ANO4: variants seen among roughly 807,000 people sequenced by gnomAD.
ANO4 encodes the protein anoctamin 4.
In ANO4, 69 loss-of-function variants were observed where a neutral mutation model predicts 141.9. The ratio of observed to expected loss-of-function variants is 0.49; its 90% CI spans 0.40 to 0.59. ANO4 has a LOEUF of 0.59. Among genes scored for constraint, ANO4 ranks in the 20% least tolerant of loss-of-function variants. The probability of loss-of-function intolerance (pLI) is 0.00; values close to 1 mark genes in which losing one functional copy is unlikely to be tolerated. For synonymous variants in ANO4, 350 were observed against 394.3 expected, an observed-to-expected ratio of 0.89 and a Z score of 1.33; for missense variants, 894 against 1,162.2, an observed-to-expected ratio of 0.77 and a Z score of 3.36.
chr12:100,891,697 T>G (rs754215947), intron 1 of ANO4, among the ~76,000 whole-genome samples: 7 of 152,248 alleles, frequency 4.6e-5, no homozygotes, highest in Admixed American at 1.3e-4. Flanking sequence ...GTGTATACAT[T>G]GTGGGATAGC....
At chr12:100,807,378 C>T (rs893504531) in intron 1 of ANO4, among the ~76,000 whole-genome samples, 1 of 152,150 alleles carries the variant, frequency 6.6e-6, no homozygotes, top group African/African-American at 2.4e-5. Context: ...GTGTTAATCA[C>T]TCTAGTTTTA....
Position 101,039,962 on chromosome 12 carries a change from A to G in ANO4, c.905A>G (p.Tyr302Cys). 6.2e-7 allele frequency: 1 copy of G among 1,611,590 alleles called. No homozygotes were observed. The highest frequency in any genetic ancestry group is 8.5e-7 in the Non-Finnish European group (1 of 1,178,298). The change falls in exon 11 of 28, where the codon TAT becomes TGT. Residue 302 changes from tyrosine (Y) to cysteine (C), a missense_variant. Around this residue, in one of 2 missense-constraint regions of ANO4, gnomAD observed 637 missense variants for 909.2 expected, o/e 0.70. Transcript: ENST00000392977. ...GTGGTGTTTTTATCCCAGGGAAGTTATAGAAGTAAAAACTCCATTCGAACC... is the reference window on the plus strand; with the variant it reads ...GTGGTGTTTTTATCCCAGGGAAGTTGTAGAAGTAAAAACTCCATTCGAACC... The part of the protein sequence containing the change: ...EAAFPLHEGS[Y>C]RSKNSIRTHG...
intron 1 of ANO4, among the ~76,000 whole-genome samples, chr12:100,864,739 G>T (rs1479578787): frequency 2.0e-5 from 3 of 152,138 alleles, no homozygotes; most frequent in Non-Finnish European, 4.4e-5. Context: ...AGAACGTGCA[G>T]GTTTGTTACA....
chr12:100,746,149 C>T (rs2032093197), intron 3 of ANO4, among the ~76,000 whole-genome samples: 1 of 152,090 alleles, frequency 6.6e-6, no homozygotes, highest in Non-Finnish European at 1.5e-5. Flanking sequence ...ACTAAACAAC[C>T]TAGTTTAGAA....
rs1036429805 is a variant in ANO4 at position 101,101,430 on chromosome 12, T to C, written c.2149+1710T>C. The stretch of plus-strand genomic sequence containing the variant: ...AGCCAAATTATGAAACAGGAGTTTG[T>C]CTTTGACACCCACCCTCATCTTTCC... On this transcript the variant is annotated intron_variant, in intron 22 of 27. Coordinates refer to ENST00000392977, the MANE Select transcript of ANO4 (RefSeq NM_001286615.2). Among the ~76,000 whole-genome samples the C allele has an allele frequency of 2.0e-5, 3 of 152,108 alleles. No individual in the cohort carries two copies. The East Asian group carries it at 5.8e-4, about 29-fold the overall frequency.
intron 1 of ANO4, among the ~76,000 whole-genome samples, chr12:100,869,661 A>G (rs2038937467): frequency 6.6e-6 from 1 of 152,142 alleles, no homozygotes; most frequent in African/African-American, 2.4e-5. Context: ...CTGGAAAATG[A>G]GGGGTTGCTG....
At chr12:100,729,444 T>A (rs1050992973) in intron 1 of ANO4, among the ~76,000 whole-genome samples, 2 of 149,374 alleles carry the variant, frequency 1.3e-5, no homozygotes, top group African/African-American at 2.4e-5. Context: ...ATAAATACTT[T>A]CTCATGTATT....
chr12:101,127,058 C>A lies in ANO4; in HGVS notation c.2856C>A (p.Asn952Lys). ...AGAAGAATGGAAAAGCACACCACAA[C>A]GAGTGGCCGTGACCATGTAGGTGAG... ...ERKKNGKAHH[N>K]EWP Residue 952 changes from asparagine (N) to lysine (K), a missense_variant, in exon 27 of 28, where the codon AAC becomes AAA. Physicochemically the swap from Asn to Lys is moderately conservative, Grantham distance 94. This residue lies in a region of ANO4 where 637 missense variants were observed against 909.2 expected (regional missense o/e 0.70). Transcript: ENST00000392977. 1 of 1,613,046 alleles carries A rather than the reference C, an allele frequency of 6.2e-7. No individual in the cohort carries two copies. The highest frequency in any genetic ancestry group is 8.5e-7 in the Non-Finnish European group (1 of 1,179,450).
chr12:101,082,110 C>T (rs1488248433), intron 15 of ANO4, among the ~76,000 whole-genome samples: 1 of 152,112 alleles, frequency 6.6e-6, no homozygotes, highest in African/African-American at 2.4e-5. Context: ...CTCCCATAAT[C>T]CCCATGTGTT....
At chr12:100,819,150 C>A (rs2135729752) in intron 1 of ANO4, among the ~76,000 whole-genome samples, 1 of 151,316 alleles carries the variant, frequency 6.6e-6, no homozygotes, top group South Asian at 2.1e-4. Context: ...TTAAATGATG[C>A]AATAGTAATT....
intron 1 of ANO4, among the ~76,000 whole-genome samples, chr12:100,901,413 T>C (rs2040585823): frequency 6.6e-6 from 1 of 152,186 alleles, no homozygotes; most frequent in African/African-American, 2.4e-5. Context: ...ATGTGCACAT[T>C]TTCCCAGCAT....
intron 2 of ANO4, among the ~76,000 whole-genome samples, chr12:100,737,959 G>T (rs1214683868): frequency 1.3e-5 from 2 of 151,882 alleles, no homozygotes; most frequent in Non-Finnish European, 2.9e-5. Flanking sequence ...AAAGCAGGGG[G>T]GTCAAAAAAT....
chr12:101,019,378 G>T (rs1208826578), intron 8 of ANO4, among the ~76,000 whole-genome samples: 1 of 152,064 alleles, frequency 6.6e-6, no homozygotes, highest in Non-Finnish European at 1.5e-5. Flanking sequence ...GTGTGTGTGT[G>T]TGCGCACACA....
intron 14 of ANO4, among the ~76,000 whole-genome samples, chr12:101,075,118 C>T (rs2048970799): frequency 6.6e-6 from 1 of 152,152 alleles, no homozygotes; most frequent in African/African-American, 2.4e-5. Context: ...AGTTACAGAA[C>T]ACACGGGGCT....
intron 13 of ANO4, among the ~76,000 whole-genome samples, chr12:101,044,327 AT>A (rs2047537767): frequency 6.6e-6 from 1 of 152,236 alleles, no homozygotes; most frequent in African/African-American, 2.4e-5. Context: ...GAGAAAAAAA[AT>A]ACATGACACC....
intron 1 of ANO4, among the ~76,000 whole-genome samples, chr12:100,873,771 C>A (rs1275597660): frequency 2.0e-5 from 3 of 152,182 alleles, no homozygotes. Flanking sequence ...AAGCTGGCTG[C>A]AGAAATTTGC....
At chr12:100,997,842 G>T (rs917638372) in intron 8 of ANO4, among the ~76,000 whole-genome samples, 3 of 152,206 alleles carry the variant, frequency 2.0e-5, no homozygotes, top group African/African-American at 4.8e-5. Flanking sequence ...ATGGTGGACA[G>T]TATCCCTGGT....
At chr12:100,791,594 T>C (rs2034049346), upstream of ANO4, among the ~76,000 whole-genome samples, 1 of 152,244 alleles carries the variant, frequency 6.6e-6, no homozygotes, top group African/African-American at 2.4e-5. Context: ...ACTTGTGTCA[T>C]TCCCACCTCA....
At chr12:100,837,286 G>A (rs1234077702) in intron 1 of ANO4, among the ~76,000 whole-genome samples, 2 of 149,252 alleles carry the variant, frequency 1.3e-5, no homozygotes, top group African/African-American at 4.9e-5. Flanking sequence ...GAGATAAATA[G>A]TACTGTTATA....
Sources: allele counts gnomAD v4.1 joint callset (sites outside exome capture counted in the v4.1 genomes callset), GRCh38; gene constraint gnomAD v4.1.1; regional missense constraint gnomAD v4.1.1; transcripts MANE v1.5; gene names NCBI Gene and HGNC (gene_info 2026-07-23, HGNC 2026-07-21).